Variants in EEIG2 observed in about 807,000 individuals in gnomAD.
The protein encoded by EEIG2 is EEIG family member 2, also known as family with sequence similarity 102 member B.
chr1:108,617,017 C>G, the EEIG2 span, among the ~76,000 whole-genome samples: 1 of 152,090 alleles, frequency 6.6e-6, no homozygotes, highest in Non-Finnish European at 1.5e-5. Flanking sequence ...AGGTGGGAAG[C>G]AAGTCACACT....
the EEIG2 span, among the ~76,000 whole-genome samples, chr1:108,560,997 G>A: frequency 6.6e-6 from 1 of 152,200 alleles, no homozygotes; most frequent in Non-Finnish European, 1.5e-5. Flanking sequence ...AGGGGACTTG[G>A]CCACCCACTC....
chr1:108,574,946 A>G, the EEIG2 span, among the ~76,000 whole-genome samples: 1 of 152,248 alleles, frequency 6.6e-6, no homozygotes, highest in Non-Finnish European at 1.5e-5. Flanking sequence ...ACATTTCATT[A>G]TGAATTTTTC....
At chr1:108,581,067 A>G in the EEIG2 span, among the ~76,000 whole-genome samples, 1 of 152,190 alleles carries the variant, frequency 6.6e-6, no homozygotes, top group Non-Finnish European at 1.5e-5. Context: ...GTCACTTATC[A>G]ATGTGAAAAT....
At chr1:108,619,692 G>A in the EEIG2 span, among the ~76,000 whole-genome samples, 1 of 152,174 alleles carries the variant, frequency 6.6e-6, no homozygotes, top group Non-Finnish European at 1.5e-5. Context: ...TTCACGACCA[G>A]CCTGGGCAAC....
chr1:108,606,622 T>C, the EEIG2 span, among the ~76,000 whole-genome samples: 9 of 152,308 alleles, frequency 5.9e-5, no homozygotes, highest in East Asian at 1.2e-3. Context: ...TGATCAGTAC[T>C]GCTGGTTTTT....
At chr1:108,598,957 G>A in the EEIG2 span, among the ~76,000 whole-genome samples, 1 of 152,006 alleles carries the variant, frequency 6.6e-6, no homozygotes, top group African/African-American at 2.4e-5. Flanking sequence ...CTTGAGCCCA[G>A]GAGTTTCAGA....
the EEIG2 span, chr1:108,628,419 C>A: frequency 6.2e-7 from 1 of 1,613,912 alleles, no homozygotes; most frequent in Non-Finnish European, 8.5e-7. Flanking sequence ...CACTCCCGGT[C>A]ATCTAGTTTC....
chr1:108,582,026 C>T, the EEIG2 span, among the ~76,000 whole-genome samples: 1 of 152,120 alleles, frequency 6.6e-6, no homozygotes, highest in Non-Finnish European at 1.5e-5. Flanking sequence ...ACAACCACCA[C>T]CCTGTCAGTC....
the EEIG2 span, among the ~76,000 whole-genome samples, chr1:108,587,942 A>G: frequency 6.6e-6 from 1 of 152,160 alleles, no homozygotes. Flanking sequence ...TCCACATATA[A>G]GTGAGATTAT....
At chr1:108,574,365 G>A in the EEIG2 span, among the ~76,000 whole-genome samples, 1 of 152,188 alleles carries the variant, frequency 6.6e-6, no homozygotes, top group African/African-American at 2.4e-5. Flanking sequence ...CTGTGGTAGG[G>A]AAAAATGAAG....
chr1:108,610,806 C>A, the EEIG2 span, among the ~76,000 whole-genome samples: 1 of 151,992 alleles, frequency 6.6e-6, no homozygotes, highest in Non-Finnish European at 1.5e-5. Context: ...TGGTGGTGGG[C>A]GCCTGTAGTC....
chr1:108,563,861 T>G, the EEIG2 span, among the ~76,000 whole-genome samples: 2 of 152,162 alleles, frequency 1.3e-5, no homozygotes, highest in Non-Finnish European at 2.9e-5. Flanking sequence ...AGACAATATA[T>G]TGAGTGTTGT....
chr1:108,628,584 G>C, the EEIG2 span: 2 of 1,600,294 alleles, frequency 1.2e-6, no homozygotes, highest in Non-Finnish European at 8.5e-7. Flanking sequence ...AAACTCAGCA[G>C]GTATCCTTTT....
At chr1:108,633,500 G>C in the EEIG2 span, among the ~76,000 whole-genome samples, 2 of 152,130 alleles carry the variant, frequency 1.3e-5, no homozygotes, top group Non-Finnish European at 2.9e-5. Context: ...GTGTTGCCCA[G>C]GATACAGCCT....
the EEIG2 span, among the ~76,000 whole-genome samples, chr1:108,567,287 A>G: frequency 6.6e-6 from 1 of 152,212 alleles, no homozygotes; most frequent in African/African-American, 2.4e-5. Context: ...TGCGTCAGGA[A>G]CTTTTCTAAG....
At chr1:108,563,273 C>A in the EEIG2 span, among the ~76,000 whole-genome samples, 1 of 152,156 alleles carries the variant, frequency 6.6e-6, no homozygotes, top group African/African-American at 2.4e-5. Flanking sequence ...GCTAGGCAGC[C>A]TACGTGACCA....
the EEIG2 span, among the ~76,000 whole-genome samples, chr1:108,567,862 G>T: frequency 1.3e-5 from 2 of 152,028 alleles, no homozygotes; most frequent in African/African-American, 4.8e-5. Context: ...GCTGGGTTTC[G>T]TGGCATGCAC....
At chr1:108,561,533 A>C in the EEIG2 span, among the ~76,000 whole-genome samples, 1 of 152,178 alleles carries the variant, frequency 6.6e-6, no homozygotes. Flanking sequence ...TCCCATTTAT[A>C]GTATAAAGGA....
the EEIG2 span, among the ~76,000 whole-genome samples, chr1:108,602,366 G>A: frequency 6.6e-6 from 1 of 152,098 alleles, no homozygotes; most frequent in African/African-American, 2.4e-5. Context: ...TGGAAGTGCT[G>A]GGGGAGAAAC....
Sources: allele counts gnomAD v4.1 joint callset (sites outside exome capture counted in the v4.1 genomes callset), GRCh38; gene constraint gnomAD v4.1.1; transcripts MANE v1.5; gene names NCBI Gene and HGNC (gene_info 2026-07-23, HGNC 2026-07-21).